SH2D1B: variants seen among roughly 807,000 people sequenced by gnomAD.
SH2D1B encodes the protein SH2 domain containing 1B.
In SH2D1B, 11 loss-of-function variants were observed where a neutral mutation model predicts 16.3. The observed-to-expected ratio is 0.67, with a 90% CI of 0.42 to 1.11. SH2D1B has a LOEUF of 1.11. Among genes scored for constraint, SH2D1B ranks in the 50% most tolerant of loss-of-function variants. SH2D1B has a pLI of 0.00. For missense variants in SH2D1B, 123 were observed against 153.1 expected (o/e 0.80, Z 1.04); for synonymous variants, 55 against 56.1 (o/e 0.98, Z 0.09).
chr1:162,397,399 A>C, intron 3 of SH2D1B, 84 bp from the exon 4 acceptor site: 1 of 1,458,934 alleles, frequency 6.9e-7, no homozygotes, highest in Non-Finnish European at 9.6e-7. Flanking sequence ...AAAGGAAAGA[A>C]GACCCCTCCC....
intron 1 of SH2D1B, among the ~76,000 whole-genome samples, chr1:162,409,864 C>T (rs554167679): frequency 1.3e-5 from 2 of 152,192 alleles, no homozygotes; most frequent in South Asian, 2.1e-4. Context: ...CATGAGCCAC[C>T]GCGCCTGGCC....
At chr1:162,405,989 C>T (rs1648645473) in intron 1 of SH2D1B, among the ~76,000 whole-genome samples, 1 of 152,184 alleles carries the variant, frequency 6.6e-6, no homozygotes, top group South Asian at 2.1e-4. Flanking sequence ...TTCAAAAGGT[C>T]AGCTGAAGGA....
At chr1:162,402,716 G>C (rs1571272956) in intron 2 of SH2D1B, 23 bp downstream of exon 2, 1 of 1,601,332 alleles carries the variant, frequency 6.2e-7, no homozygotes, top group Non-Finnish European at 8.6e-7. Context: ...TGTTGTTGTT[G>C]TTGTCGTCCT....
rs141096884 is a variant in SH2D1B, at chr1:162,398,908, C to G, written c.363+15G>C. The stretch of plus-strand genomic sequence containing the variant: ...GATTAAGATTGCTTTCTGACCCCCA[C>G]GTGAGAGATTTTACCACAAATGTTT... On this transcript the variant is annotated intron_variant, in intron 3 of 3. Transcript: ENST00000367929. The G allele has an allele frequency of 3.1e-6, 5 of 1,605,626 alleles. No individual in the cohort carries two copies. The highest frequency in any genetic ancestry group is 2.2e-5 in the East Asian group (1 of 44,654).
chr1:162,411,580 T>C (rs1483626169), intron 1 of SH2D1B, among the ~76,000 whole-genome samples: 2 of 152,160 alleles, frequency 1.3e-5, no homozygotes, highest in African/African-American at 2.4e-5. Context: ...ACCTCTGACA[T>C]TTGTACCTTC....
chr1:162,400,316 G>A (rs188940666), intron 2 of SH2D1B, among the ~76,000 whole-genome samples: 1,779 of 138,666 alleles, frequency 0.013, 21 homozygotes, highest in Non-Finnish European at 0.019. Context: ...TTTTGAGACG[G>A]AGTCTCACTC....
At chr1:162,405,708 G>A (rs1054954102) in intron 1 of SH2D1B, among the ~76,000 whole-genome samples, 8 of 152,128 alleles carry the variant, frequency 5.3e-5, no homozygotes, top group Admixed American at 6.5e-5. Flanking sequence ...GAAATACACT[G>A]GACTTATAAA....
chr1:162,411,919 C>T lies in SH2D1B; in HGVS notation c.98G>A (p.Ser33Asn), dbSNP rs1269708576. ...GVDGNFLLRD[S>N]ESIPGVLCLC... ...GCACAGGACTCCTGGTATCGACTCG[C>T]TGTCTCTTAAAAGAAAGTTGCCATC... The change falls in exon 1 of 4, where the codon AGC becomes AAC. Residue 33 changes from serine (S) to asparagine (N), a missense_variant. Ser to Asn is a conservative substitution (Grantham distance 46). Coordinates refer to ENST00000367929, the MANE Select transcript of SH2D1B (RefSeq NM_053282.5). 1.2e-6 allele frequency: 2 copies of T among 1,614,040 alleles called. No individual in the cohort carries two copies. The highest frequency in any genetic ancestry group is 1.3e-5 in the African/African-American group (1 of 74,924).
chr1:162,404,564 C>T (rs963390934), intron 1 of SH2D1B, among the ~76,000 whole-genome samples: 2 of 151,980 alleles, frequency 1.3e-5, no homozygotes, highest in African/African-American at 4.8e-5. Flanking sequence ...AGATTGTATA[C>T]TTTAAATATG....
At chr1:162,397,388 C>G in intron 3 of SH2D1B, 73 bp from the exon 4 acceptor site, 1 of 1,551,662 alleles carries the variant, frequency 6.4e-7, no homozygotes, top group South Asian at 1.1e-5. Flanking sequence ...CAACCCCACT[C>G]AAAGGAAAGA....
chr1:162,407,641 G>T (rs1318658140), intron 1 of SH2D1B, among the ~76,000 whole-genome samples: 1 of 152,188 alleles, frequency 6.6e-6, no homozygotes, highest in African/African-American at 2.4e-5. Context: ...AGACAAGCAG[G>T]CTAACACTTG....
chr1:162,399,263 C>T, intron 2 of SH2D1B, among the ~76,000 whole-genome samples, 176 bp from the exon 3 acceptor site: 1 of 152,290 alleles, frequency 6.6e-6, no homozygotes, highest in East Asian at 1.9e-4. Context: ...TAAGACCAAC[C>T]TCTGACTTGA....
chr1:162,402,776 C>T lies in SH2D1B; in HGVS notation c.161G>A (p.Arg54Gln), dbSNP rs1189197643. The T allele has an allele frequency of 1.7e-5, 27 of 1,613,696 alleles. No homozygotes were observed. Among genetic ancestry groups the T allele is most frequent in the Non-Finnish European group, 2.0e-5 (24 of 1,179,808 alleles). ...VSFKNIVYTY[R>Q]IFREKHGYYR... The stretch of plus-strand genomic sequence containing the variant: ...ATACCCGTGTTTCTCTCTGAAGATT[C>T]GGTATGTGTAGACAATATTTTTAAA... The change falls in exon 2 of 4, where the codon CGA (arginine) becomes CAA (glutamine). Residue 54 changes from arginine (R) to glutamine (Q), a missense_variant. Transcript: ENST00000367929.
At position 162,403,500 on chromosome 1, in the gene SH2D1B, AAAAAAAAAAAAATATATATATATATATAT is replaced by A. The variant is rs1201289445; in HGVS notation, c.135-727_135-699del. ...CGAGACTCTGTCTGAAAAAAAAAAA[AAAAAAAAAAAAATATATATATATATATAT>A]ATATATATATATATGTAATTACTAT... On this transcript the variant is annotated intron_variant, in intron 1 of 3. Transcript: ENST00000367929. Among the ~76,000 whole-genome samples the A allele has an allele frequency of 1.1e-4, 4 of 35,146 alleles. No individual in the cohort carries two copies. The East Asian group carries it at 4.0e-3, about 35-fold the overall frequency. The allele number at this position is 35,146 out of a possible 152,430, so 23.1% of individuals were successfully genotyped here. A position where few individuals can be genotyped will look rare whatever the true frequency, so the allele number is the denominator to read the frequency against.
intron 2 of SH2D1B, among the ~76,000 whole-genome samples, chr1:162,400,323 A>C: frequency 8.3e-6 from 1 of 119,814 alleles, no homozygotes; most frequent in East Asian, 2.5e-4. Flanking sequence ...ACGGAGTCTC[A>C]CTCTGTGGCC....
intron 1 of SH2D1B, among the ~76,000 whole-genome samples, chr1:162,410,062 G>T (rs1467872360): frequency 6.6e-6 from 1 of 152,102 alleles, no homozygotes; most frequent in Non-Finnish European, 1.5e-5. Context: ...GTAAAATCCA[G>T]TTTTAGCAAA....
intron 1 of SH2D1B, among the ~76,000 whole-genome samples, chr1:162,407,072 G>T (rs1355164096): frequency 6.6e-6 from 1 of 152,214 alleles, no homozygotes; most frequent in Non-Finnish European, 1.5e-5. Flanking sequence ...AGCTCTCTCT[G>T]TGACCTCCTT....
At chr1:162,405,051 G>T (rs920888459) in intron 1 of SH2D1B, among the ~76,000 whole-genome samples, 8 of 152,168 alleles carry the variant, frequency 5.3e-5, no homozygotes, top group African/African-American at 1.7e-4. Context: ...AGCAATTTGG[G>T]ATGCATCCCT....
In SH2D1B at chr1:162,395,422, G is replaced by A. The variant is rs1320408811; in HGVS notation, c.*1858C>T. On this transcript the variant is annotated 3_prime_UTR_variant, in exon 4 of 4. Transcript: ENST00000367929. ...AAATTATAAAATAGCCTTTAACAAG[G>A]CTACAACAAACATAATGTTTAAATA... 6.6e-6 allele frequency: 1 copy of A among 152,004 alleles called. No homozygotes were observed. The highest frequency in any genetic ancestry group is 1.5e-5 in the Non-Finnish European group (1 of 68,002). The allele number at this position is 152,004 out of a possible 1,614,324, so 9.4% of individuals were successfully genotyped here.
Sources: gnomAD v4.1 joint callset for allele counts (sites outside exome capture counted in the v4.1 genomes callset) on GRCh38, gnomAD v4.1.1 for gene constraint, MANE v1.5 for transcripts, NCBI Gene and HGNC (gene_info 2026-07-23, HGNC 2026-07-21) for gene names.